The following KIF26B variants were observed in gnomAD, a reference collection of about 807,000 sequenced individuals.
KIF26B encodes kinesin-like protein KIF26B.
KIF26B carries 63 observed loss-of-function variants against 151.2 expected under a neutral mutation model. The ratio of observed to expected loss-of-function variants is 0.42; its 90% CI spans 0.34 to 0.51. The LOEUF is 0.51. KIF26B is among the 20% of genes least tolerant of loss of function. The pLI is 0.07. For synonymous variants in KIF26B, 1,357 were observed against 1,262.1 expected, an observed-to-expected ratio of 1.08 and a Z score of -1.59; for missense variants, 2,813 against 2,913.6, an observed-to-expected ratio of 0.97 and a Z score of 0.79.
Position 245,155,052 on chromosome 1 carries a change from G to A in KIF26B, c.-373G>A. 1 of 452,200 alleles carries A rather than the reference G, an allele frequency of 2.2e-6. No homozygotes were observed. The highest frequency in any genetic ancestry group is 3.8e-6 in the Non-Finnish European group (1 of 261,646). 28.0% of individuals were successfully genotyped at this position (452,200 alleles called of 1,614,324 possible). On this transcript the variant is annotated 5_prime_UTR_variant, in exon 1 of 15. Coordinates refer to ENST00000407071, the MANE Select transcript of KIF26B (RefSeq NM_018012.4). ...TCGGCTCGGCTCTCCCACCTTCCCG[G>A]CAGCGGCCGCGAGCCCTGATTGTAT...
chr1:245,479,206 G>A (rs1660109421), intron 4 of KIF26B, among the ~76,000 whole-genome samples: 1 of 151,688 alleles, frequency 6.6e-6, no homozygotes, highest in African/African-American at 2.4e-5. Flanking sequence ...GATCACTAAG[G>A]CTCCCATTTA....
intron 10 of KIF26B, among the ~76,000 whole-genome samples, chr1:245,678,982 C>T (rs1301852144): frequency 1.3e-5 from 2 of 152,116 alleles, no homozygotes; most frequent in East Asian, 3.9e-4. Flanking sequence ...TTTTGCTGCT[C>T]AAAGCCATGG....
chr1:245,205,714 CT>C (rs67318995), intron 2 of KIF26B, among the ~76,000 whole-genome samples: 49,312 of 139,814 alleles, frequency 0.35, 8,826 homozygotes, highest in East Asian at 0.52. Flanking sequence ...CTTTTCTTTT[CT>C]TTTTTTTTTT....
intron 10 of KIF26B, among the ~76,000 whole-genome samples, chr1:245,682,008 C>T (rs2044445578): frequency 6.6e-6 from 1 of 152,220 alleles, no homozygotes. Context: ...TTTGGGAGGC[C>T]GAGGCGGGCG....
chr1:245,652,104 G>GTA (rs1333788419), intron 10 of KIF26B, among the ~76,000 whole-genome samples: 154 of 40,924 alleles, frequency 3.8e-3, no homozygotes, highest in African/African-American at 0.011. Flanking sequence ...GTAAGAATCT[G>GTA]TGTGTGTGTG....
At chr1:245,265,026 C>T (rs186373398) in intron 2 of KIF26B, among the ~76,000 whole-genome samples, 449 of 151,258 alleles carry the variant, frequency 3.0e-3, no homozygotes, top group Non-Finnish European at 4.1e-3. Flanking sequence ...GGTGAAACCC[C>T]GTCTCTACTA....
intron 2 of KIF26B, among the ~76,000 whole-genome samples, chr1:245,337,509 A>T (rs757853693): frequency 6.9e-6 from 1 of 144,888 alleles, no homozygotes; most frequent in Non-Finnish European, 1.5e-5. Flanking sequence ...ACCTAGAAGT[A>T]CTTAGGAAAT....
At chr1:245,215,225 GAGGA>G (rs1669620137) in intron 2 of KIF26B, among the ~76,000 whole-genome samples, 1 of 152,140 alleles carries the variant, frequency 6.6e-6, no homozygotes, top group African/African-American at 2.4e-5. Flanking sequence ...GCCACCATGG[GAGGA>G]AGGGTGGCCG....
chr1:245,460,785 A>G (rs1659629380), intron 4 of KIF26B, among the ~76,000 whole-genome samples: 1 of 152,180 alleles, frequency 6.6e-6, no homozygotes, highest in African/African-American at 2.4e-5. Flanking sequence ...ATGTGTGCTT[A>G]CACGCAGCTC....
In KIF26B at chr1:245,646,103, T is replaced by C; in HGVS notation, c.2099-18T>C. On this transcript the variant is annotated intron_variant, in intron 9 of 14. Coordinates refer to ENST00000407071, the MANE Select transcript of KIF26B (RefSeq NM_018012.4). ...TCAGAACTTAACCATTTCTCTTTTA[T>C]CTTCTCCCCTGTGGTAGTGTCTGGA... 1 of 1,611,408 alleles carries C rather than the reference T, an allele frequency of 6.2e-7. No homozygotes were observed. Among genetic ancestry groups the C allele is most frequent in the Non-Finnish European group, 8.5e-7 (1 of 1,178,104 alleles).
intron 2 of KIF26B, among the ~76,000 whole-genome samples, chr1:245,261,090 G>GCTTC (rs779978341): frequency 8.5e-5 from 11 of 129,852 alleles, no homozygotes; most frequent in South Asian, 5.1e-4. Context: ...CTCTCTCCCT[G>GCTTC]CTTCCTTCCT....
chr1:245,442,007 C>T (rs190997946), intron 4 of KIF26B, among the ~76,000 whole-genome samples: 6 of 152,320 alleles, frequency 3.9e-5, no homozygotes, highest in East Asian at 1.9e-4. Context: ...TACAGGGCAT[C>T]GTATCAAAAT....
intron 2 of KIF26B, among the ~76,000 whole-genome samples, chr1:245,222,152 G>T (rs1238953031): frequency 6.6e-6 from 1 of 152,156 alleles, no homozygotes; most frequent in Admixed American, 6.5e-5. Flanking sequence ...TTAACAAATG[G>T]TCTGGGCCGG....
At position 245,274,563 on chromosome 1, in the gene KIF26B, CT is replaced by C. The variant is rs201000492; in HGVS notation, c.466-92264del. The stretch of plus-strand genomic sequence containing the variant: ...TGCAAAGGACATGACATGAATGCAC[CT>C]TTTTTTATGGCTGCATAGTATTCCA... On this transcript the variant is annotated intron_variant, in intron 2 of 14. Transcript: ENST00000407071. 3.8e-4 allele frequency among the ~76,000 whole-genome samples: 58 copies of C among 152,126 alleles called. 1 individual carries two copies. The highest frequency in any genetic ancestry group is 5.9e-4 in the Non-Finnish European group (40 of 67,988).
chr1:245,522,343 T>C (rs1376296399), intron 4 of KIF26B, among the ~76,000 whole-genome samples: 2 of 120,608 alleles, frequency 1.7e-5, no homozygotes, highest in African/African-American at 5.9e-5. Context: ...TTAGTTAGCT[T>C]AACACAGCAT....
chr1:245,487,629 T>C (rs1660310342), intron 4 of KIF26B, among the ~76,000 whole-genome samples: 1 of 152,106 alleles, frequency 6.6e-6, no homozygotes. Flanking sequence ...AGACAGGGTC[T>C]CAGTCCATTT....
At chr1:245,416,712 A>G (rs578032796) in intron 3 of KIF26B, among the ~76,000 whole-genome samples, 9 of 152,296 alleles carry the variant, frequency 5.9e-5, no homozygotes, top group African/African-American at 1.9e-4. Context: ...TGGAGAGCAA[A>G]GGCCCCACGG....
At chr1:245,558,700 T>A (rs1456730774) in intron 5 of KIF26B, among the ~76,000 whole-genome samples, 6 of 152,246 alleles carry the variant, frequency 3.9e-5, no homozygotes, top group Admixed American at 3.9e-4. Context: ...CCTCTCTGAA[T>A]GTTCACTTTG....
At position 245,529,634 on chromosome 1, in the gene KIF26B, C is replaced by T. The variant is rs1661316472; in HGVS notation, c.1167-11133C>T. On this transcript the variant is annotated intron_variant, in intron 4 of 14. Transcript: ENST00000407071. ...CTATTTTCACACAGGGAACTTGGCT[C>T]AGCAAACATTCGTAGTTACTTGGCT... Among the ~76,000 whole-genome samples, 4 of 152,138 alleles carry T rather than the reference C, an allele frequency of 2.6e-5. No individual in the cohort carries two copies. The South Asian group carries it at 8.3e-4, about 32-fold the overall frequency.
Sources: allele counts gnomAD v4.1 joint callset (sites outside exome capture counted in the v4.1 genomes callset), GRCh38; gene constraint gnomAD v4.1.1; transcripts MANE v1.5; gene names NCBI Gene and HGNC (gene_info 2026-07-23, HGNC 2026-07-21).